Variants in ADGRL2 observed in about 807,000 individuals in gnomAD.
The protein encoded by ADGRL2 is adhesion G protein-coupled receptor L2.
Under a neutral mutation model 157.4 loss-of-function variants are expected in ADGRL2, and 44 were observed. That is an observed-to-expected ratio of 0.28 (90% CI 0.22 to 0.36). ADGRL2 has a LOEUF of 0.36. Ranked by LOEUF, ADGRL2 falls within the 10% of genes least tolerant of loss-of-function variation. The pLI, the probability that ADGRL2 is intolerant of heterozygous loss-of-function variation, is 1.00. For missense variants in ADGRL2, 1,510 were observed against 1,768.9 expected (o/e 0.85, Z 2.63); for synonymous variants, 585 against 624.7 (o/e 0.94, Z 0.95).
intron 2 of ADGRL2, among the ~76,000 whole-genome samples, chr1:81,539,356 A>G (rs2079825615): frequency 6.6e-6 from 1 of 152,188 alleles, no homozygotes; most frequent in South Asian, 2.1e-4. Flanking sequence ...TGTAAAACGC[A>G]TATTGACAGC....
intron 3 of ADGRL2, among the ~76,000 whole-genome samples, chr1:81,607,332 G>T (rs1444331989): frequency 6.6e-6 from 1 of 152,184 alleles, no homozygotes; most frequent in Non-Finnish European, 1.5e-5. Flanking sequence ...ACCGGTGAAT[G>T]AAATACATGT....
At chr1:81,415,965 C>T (rs1466338060) in intron 1 of ADGRL2, among the ~76,000 whole-genome samples, 3 of 152,000 alleles carry the variant, frequency 2.0e-5, no homozygotes, top group African/African-American at 4.8e-5. Flanking sequence ...CTCAGCCTCC[C>T]GAGTAGCTGG....
At chr1:81,481,904 A>T (rs1026462153) in intron 2 of ADGRL2, among the ~76,000 whole-genome samples, 3 of 152,030 alleles carry the variant, frequency 2.0e-5, no homozygotes, top group Admixed American at 2.0e-4. Flanking sequence ...TCATTTTTTC[A>T]AGTCAGTTAC....
intron 2 of ADGRL2, among the ~76,000 whole-genome samples, chr1:81,906,666 T>TC (rs1238163971): frequency 1.5e-3 from 222 of 152,266 alleles, no homozygotes; most frequent in African/African-American, 5.2e-3. Flanking sequence ...AAATGAAAAT[T>TC]CTTTCTTGAT....
chr1:81,853,644 AT>A (rs1300921931), intron 2 of ADGRL2, among the ~76,000 whole-genome samples: 1 of 152,236 alleles, frequency 6.6e-6, no homozygotes, highest in Non-Finnish European at 1.5e-5. Context: ...ACTGTAAAAA[AT>A]GAAAGCAAAT....
rs151030902 is a variant in ADGRL2, at chr1:81,319,814, G to A, written c.-302+13305G>A. Among the ~76,000 whole-genome samples the A allele has an allele frequency of 6.4e-4, 97 of 152,294 alleles. 1 individual carries two copies. Among genetic ancestry groups the A allele is most frequent in the African/African-American group, 2.3e-3 (95 of 41,566 alleles). ...CTGCAGTCATAATCTTTTTGCTGGT[G>A]CAGGGTCTTGCCTCGATGTTGGTGG... On this transcript the variant is annotated intron_variant, in intron 1 of 24. Transcript: ENST00000370721.
intron 4 of ADGRL2, among the ~76,000 whole-genome samples, chr1:81,938,525 A>G (rs2095342156): frequency 6.6e-6 from 1 of 151,810 alleles, no homozygotes; most frequent in Non-Finnish European, 1.5e-5. Flanking sequence ...TACGTTGTGC[A>G]CTAAACTTGC....
intron 2 of ADGRL2, among the ~76,000 whole-genome samples, chr1:81,870,221 C>CAAAAT (rs1456564946): frequency 6.6e-6 from 1 of 151,168 alleles, no homozygotes; most frequent in Non-Finnish European, 1.5e-5. Flanking sequence ...GCAAACAAAA[C>CAAAAT]ACCTTTTATT....
At chr1:81,383,779 A>G (rs376647337) in intron 1 of ADGRL2, among the ~76,000 whole-genome samples, 27 of 141,150 alleles carry the variant, frequency 1.9e-4, no homozygotes, top group African/African-American at 6.7e-4. Context: ...CCTGGCTAAC[A>G]CGGTGAACTC....
chr1:81,350,827 A>G (rs1422017436), intron 1 of ADGRL2, among the ~76,000 whole-genome samples: 1 of 152,150 alleles, frequency 6.6e-6, no homozygotes, highest in Non-Finnish European at 1.5e-5. Flanking sequence ...TTGCATGTTG[A>G]CATTATCGCA....
At chr1:81,493,368 C>A (rs1326521117) in intron 2 of ADGRL2, among the ~76,000 whole-genome samples, 2 of 152,046 alleles carry the variant, frequency 1.3e-5, no homozygotes, top group East Asian at 3.9e-4. Flanking sequence ...CCCATGGTTG[C>A]AATAAATACT....
At chr1:81,419,600 C>A (rs532696804) in intron 1 of ADGRL2, among the ~76,000 whole-genome samples, 22 of 152,300 alleles carry the variant, frequency 1.4e-4, no homozygotes, top group Middle Eastern at 6.8e-3. Flanking sequence ...AAATACCAAG[C>A]ATCATCAAAC....
At chr1:81,740,199 TC>T (rs1309186881) in intron 1 of ADGRL2, among the ~76,000 whole-genome samples, 1 of 152,204 alleles carries the variant, frequency 6.6e-6, no homozygotes, top group South Asian at 2.1e-4. Flanking sequence ...GCGTTTTCAT[TC>T]CAAATTATTT....
intron 2 of ADGRL2, among the ~76,000 whole-genome samples, chr1:81,508,829 A>G (rs1476915323): frequency 1.3e-5 from 2 of 152,224 alleles, no homozygotes; most frequent in Non-Finnish European, 2.9e-5. Flanking sequence ...CATAACCTTT[A>G]GAGGGTGAAA....
intron 1 of ADGRL2, among the ~76,000 whole-genome samples, chr1:81,734,870 C>G (rs968112353): frequency 6.9e-6 from 1 of 145,624 alleles, no homozygotes; most frequent in African/African-American, 2.5e-5. Flanking sequence ...CCTGTCTCTA[C>G]TAAAAATACA....
chr1:81,480,008 C>T (rs764723947), intron 2 of ADGRL2, among the ~76,000 whole-genome samples: 16 of 152,102 alleles, frequency 1.1e-4, no homozygotes, highest in Non-Finnish European at 1.9e-4. Context: ...GGTAAGGAAA[C>T]TTAATTTCAG....
At chr1:81,322,163 CATAT>C (rs1660568218) in intron 1 of ADGRL2, among the ~76,000 whole-genome samples, 1 of 145,498 alleles carries the variant, frequency 6.9e-6, no homozygotes, top group African/African-American at 2.5e-5. Context: ...TACATACACA[CATAT>C]GTACATGTAT....
At chr1:81,930,754 C>A (rs2095213011) in intron 3 of ADGRL2, among the ~76,000 whole-genome samples, 1 of 152,078 alleles carries the variant, frequency 6.6e-6, no homozygotes, top group Non-Finnish European at 1.5e-5. Flanking sequence ...TGGCTTCATT[C>A]CAGAATTGAA....
intron 17 of ADGRL2, among the ~76,000 whole-genome samples, chr1:81,975,092 GACAC>G (rs1206782186): frequency 6.6e-6 from 1 of 151,682 alleles, no homozygotes; most frequent in African/African-American, 2.4e-5. Flanking sequence ...CCTGCACACA[GACAC>G]ACACACGCCC....
Sources: allele counts gnomAD v4.1 joint callset (sites outside exome capture counted in the v4.1 genomes callset), GRCh38; gene constraint gnomAD v4.1.1; transcripts MANE v1.5; gene names NCBI Gene and HGNC (gene_info 2026-07-23, HGNC 2026-07-21).